Variants in PARD3B observed in about 807,000 individuals in gnomAD.
PARD3B encodes par-3 family cell polarity regulator beta, also known as partitioning defective 3 homolog B.
A neutral mutation model predicts 130.2 loss-of-function variants in PARD3B; 103 were observed. The observed-to-expected ratio is 0.79, with a 90% CI of 0.67 to 0.93. PARD3B has a LOEUF of 0.93. Among genes scored for constraint, PARD3B ranks in the 40% least tolerant of loss-of-function variants. The pLI is 0.00. For missense variants in PARD3B, 1,609 were observed against 1,499.2 expected (o/e 1.07, Z -1.21); for synonymous variants, 583 against 553.2 (o/e 1.05, Z -0.76).
chr2:205,213,552 T>C (rs554307118), intron 15 of PARD3B, among the ~76,000 whole-genome samples: 24 of 152,306 alleles, frequency 1.6e-4, no homozygotes, highest in Non-Finnish European at 2.8e-4. Context: ...CTCATCTTAC[T>C]ATCTGGGCAG....
intron 21 of PARD3B, among the ~76,000 whole-genome samples, chr2:205,524,158 A>G (rs1663698413): frequency 6.6e-6 from 1 of 152,158 alleles, no homozygotes. Flanking sequence ...TGTTTTACCT[A>G]CATTTGTCAG....
intron 3 of PARD3B, among the ~76,000 whole-genome samples, chr2:205,042,241 T>C (rs1211354558): frequency 6.6e-6 from 1 of 152,148 alleles, no homozygotes; most frequent in African/African-American, 2.4e-5. Flanking sequence ...TGCCCCACCA[T>C]TAAAATAGTG....
intron 2 of PARD3B, among the ~76,000 whole-genome samples, chr2:204,738,231 A>G (rs1416621903): frequency 1.3e-5 from 2 of 152,018 alleles, no homozygotes; most frequent in African/African-American, 2.4e-5. Flanking sequence ...CATTTGTGTC[A>G]TCTGTGATTT....
intron 1 of PARD3B, among the ~76,000 whole-genome samples, chr2:204,593,534 A>G (rs2033160584): frequency 6.6e-6 from 1 of 152,188 alleles, no homozygotes; most frequent in South Asian, 2.1e-4. Context: ...CAGCTCTCCC[A>G]AGACTAACTA....
At chr2:204,632,682 C>T (rs977646446) in intron 1 of PARD3B, among the ~76,000 whole-genome samples, 4 of 152,140 alleles carry the variant, frequency 2.6e-5, no homozygotes, top group South Asian at 2.1e-4. Context: ...CCTGTTCCTA[C>T]GGTTGCAGAG....
At chr2:204,919,967 T>A (rs1243164464) in intron 2 of PARD3B, among the ~76,000 whole-genome samples, 2 of 152,052 alleles carry the variant, frequency 1.3e-5, no homozygotes, top group Non-Finnish European at 2.9e-5. Context: ...GACAGACACA[T>A]GAATTTCTCT....
At position 205,270,680 on chromosome 2, in the gene PARD3B, G is replaced by C. The variant is rs551648135; in HGVS notation, c.2185+24858G>C. 2.0e-5 allele frequency among the ~76,000 whole-genome samples: 3 copies of C among 152,288 alleles called. No individual in the cohort carries two copies. The South Asian group carries it at 6.2e-4, about 32-fold the overall frequency. ...GTAGTATAGAAATGGGCGGCTGCTA[G>C]CAGGGAAGAGGAGGGAGATTTCAGT... On this transcript the variant is annotated intron_variant, in intron 16 of 22. Coordinates refer to ENST00000406610, the MANE Select transcript of PARD3B (RefSeq NM_001302769.2).
At chr2:205,117,390 G>T (rs1203795700) in intron 6 of PARD3B, among the ~76,000 whole-genome samples, 1 of 152,202 alleles carries the variant, frequency 6.6e-6, no homozygotes, top group African/African-American at 2.4e-5. Context: ...TTCTCCTGCA[G>T]CAGCGTGCTG....
rs946032740 is a variant in PARD3B at position 205,564,435 on chromosome 2, G to C, written c.3260+11032G>C. Among the ~76,000 whole-genome samples the C allele has an allele frequency of 2.0e-5, 3 of 152,160 alleles. No individual in the cohort carries two copies. Among genetic ancestry groups the C allele is most frequent in the African/African-American group, 7.2e-5 (3 of 41,442 alleles). On this transcript the variant is annotated intron_variant, in intron 22 of 22. Coordinates refer to ENST00000406610, the MANE Select transcript of PARD3B (RefSeq NM_001302769.2). The surrounding 1 kb of genome is among the most constrained non-coding windows in gnomAD (Gnocchi z 4.6). The stretch of plus-strand genomic sequence containing the variant: ...TCCTTCCAGCCAAAATATTTTAAAT[G>C]GTGCTTTTTTGCTTAAAGACTGCCT...
chr2:204,666,738 G>A (rs1357886248), intron 1 of PARD3B, among the ~76,000 whole-genome samples: 1 of 152,184 alleles, frequency 6.6e-6, no homozygotes, highest in African/African-American at 2.4e-5. Flanking sequence ...CACCTAAGGT[G>A]TAGAATGCCA....
chr2:204,644,357 G>A lies in PARD3B; in HGVS notation c.121-41824G>A, dbSNP rs2035198751. 3.9e-5 allele frequency among the ~76,000 whole-genome samples: 6 copies of A among 152,146 alleles called. No homozygotes were observed. The South Asian group carries it at 1.2e-3, about 31-fold the overall frequency. On this transcript the variant is annotated intron_variant, in intron 1 of 22. Coordinates refer to ENST00000406610, the MANE Select transcript of PARD3B (RefSeq NM_001302769.2). ...TTTGGTTGATTTTGTATGGGTGTGTGGGTGTCTATCTTTGTGTGTGGGTGT... is the reference window on the plus strand; with the variant it reads ...TTTGGTTGATTTTGTATGGGTGTGTAGGTGTCTATCTTTGTGTGTGGGTGT...
intron 20 of PARD3B, among the ~76,000 whole-genome samples, chr2:205,449,787 T>C (rs2048036278): frequency 6.6e-6 from 1 of 152,206 alleles, no homozygotes; most frequent in African/African-American, 2.4e-5. Context: ...AGAAAACTTT[T>C]ATTGAGCATC....
At chr2:204,987,997 T>C (rs1200601127) in intron 3 of PARD3B, among the ~76,000 whole-genome samples, 2 of 151,602 alleles carry the variant, frequency 1.3e-5, no homozygotes, top group African/African-American at 4.9e-5. Context: ...GGTAGTTAGA[T>C]GAAAATATGG....
intron 2 of PARD3B, among the ~76,000 whole-genome samples, chr2:204,866,658 G>GATATATATGTGTATATATAC (rs1372999580): frequency 1.2e-4 from 18 of 151,422 alleles, no homozygotes; most frequent in South Asian, 2.1e-4. Flanking sequence ...GTGATTAAAA[G>GATATATATGTGTATATATAC]ATATATATGT....
chr2:205,423,164 G>A (rs751628487), intron 19 of PARD3B, among the ~76,000 whole-genome samples: 42 of 152,134 alleles, frequency 2.8e-4, no homozygotes, highest in African/African-American at 7.0e-4. Context: ...TTAGCTTGTT[G>A]GACCTTCTCT....
chr2:205,279,966 A>G (rs17198316), intron 16 of PARD3B, among the ~76,000 whole-genome samples: 5,460 of 152,272 alleles, frequency 0.036, 97 homozygotes, highest in Middle Eastern at 0.054. Context: ...ATGTCTATAA[A>G]TTGTGACCAC....
In PARD3B at chr2:205,265,182, G is replaced by T. The variant is rs2040457960; in HGVS notation, c.2185+19360G>T. 6.6e-6 allele frequency among the ~76,000 whole-genome samples: 1 copy of T among 151,976 alleles called. No individual in the cohort carries two copies. Among genetic ancestry groups the T allele is most frequent in the Non-Finnish European group, 1.5e-5 (1 of 67,912 alleles). On this transcript the variant is annotated intron_variant, in intron 16 of 22. Transcript: ENST00000406610. The surrounding 1 kb of genome is among the most constrained non-coding windows in gnomAD (Gnocchi z 4.3). Reference sequence around the variant, plus strand: ...TTAGCCTCAGTGGTGTGAACATAGAGTTTCATCACATTATTGTGTGTAAGA... The same window carrying T: ...TTAGCCTCAGTGGTGTGAACATAGATTTTCATCACATTATTGTGTGTAAGA...
At chr2:205,349,582 G>T (rs2043918234) in intron 18 of PARD3B, among the ~76,000 whole-genome samples, 1 of 152,096 alleles carries the variant, frequency 6.6e-6, no homozygotes, top group South Asian at 2.1e-4. Flanking sequence ...AAAGGAAGTA[G>T]TGGTTATTAA....
chr2:205,559,893 C>G (rs1383350314), intron 22 of PARD3B, among the ~76,000 whole-genome samples: 1 of 152,136 alleles, frequency 6.6e-6, no homozygotes, highest in Non-Finnish European at 1.5e-5. Context: ...GCCACCGCAC[C>G]CAGCCCAGAT....
Sources: allele counts gnomAD v4.1 joint callset (sites outside exome capture counted in the v4.1 genomes callset), GRCh38; gene constraint gnomAD v4.1.1; non-coding constraint Gnocchi (gnomAD v3.1); transcripts MANE v1.5; gene names NCBI Gene and HGNC (gene_info 2026-07-23, HGNC 2026-07-21).